The following ROBO1 variants were observed in gnomAD, a reference collection of about 807,000 sequenced individuals.
The protein encoded by ROBO1 is roundabout homolog 1.
In ROBO1, 149 loss-of-function variants were observed where a neutral mutation model predicts 195.9. That is an observed-to-expected ratio of 0.76 (90% confidence interval 0.67 to 0.87). The LOEUF is 0.87. ROBO1 is among the 40% of genes least tolerant of loss of function. The pLI, the probability that ROBO1 is intolerant of heterozygous loss-of-function variation, is 0.00. For synonymous variants in ROBO1, 816 were observed against 733.2 expected, an observed-to-expected ratio of 1.11 and a Z score of -1.82; for missense variants, 1,933 against 2,068.3, an observed-to-expected ratio of 0.93 and a Z score of 1.27.
At chr3:79,513,782 C>T (rs202232703) in intron 2 of ROBO1, among the ~76,000 whole-genome samples, 1 of 152,022 alleles carries the variant, frequency 6.6e-6, no homozygotes, top group East Asian at 1.9e-4. Flanking sequence ...TTCATTATAA[C>T]AGTGATTTTA....
chr3:79,365,216 T>G (rs911612990), intron 2 of ROBO1, among the ~76,000 whole-genome samples: 2 of 152,152 alleles, frequency 1.3e-5, no homozygotes, highest in African/African-American at 4.8e-5. Flanking sequence ...ACAGCCACCC[T>G]TCACCAGCAT....
At chr3:79,538,533 C>T (rs1362623502) in intron 2 of ROBO1, among the ~76,000 whole-genome samples, 1 of 152,092 alleles carries the variant, frequency 6.6e-6, no homozygotes, top group Non-Finnish European at 1.5e-5. Flanking sequence ...TCACTTGCCT[C>T]TCAGCTACTC....
chr3:79,081,769 T>C (rs1489662788), intron 3 of ROBO1, among the ~76,000 whole-genome samples: 2 of 152,206 alleles, frequency 1.3e-5, no homozygotes, highest in South Asian at 2.1e-4. Flanking sequence ...GCTCATTTCG[T>C]AGAATCTAGC....
At chr3:79,754,362 C>T (rs1483257662) in intron 1 of ROBO1, among the ~76,000 whole-genome samples, 6 of 152,204 alleles carry the variant, frequency 3.9e-5, no homozygotes, top group Non-Finnish European at 2.9e-5. Context: ...GTATTCACTT[C>T]AGTGCCTACA....
chr3:79,302,881 C>T (rs916465887), intron 2 of ROBO1, among the ~76,000 whole-genome samples: 2 of 151,910 alleles, frequency 1.3e-5, no homozygotes, highest in African/African-American at 4.8e-5. Context: ...TTGAAATTCT[C>T]CTTTTACATT....
chr3:78,689,649 C>G (rs1049221374), intron 8 of ROBO1, among the ~76,000 whole-genome samples: 3 of 152,000 alleles, frequency 2.0e-5, no homozygotes, highest in African/African-American at 7.2e-5. Flanking sequence ...TCTGAAACAC[C>G]TAATTATTCT....
intron 3 of ROBO1, among the ~76,000 whole-genome samples, chr3:79,029,992 T>C (rs2078265300): frequency 6.6e-6 from 1 of 152,238 alleles, no homozygotes; most frequent in Non-Finnish European, 1.5e-5. Context: ...CATTGTTTTG[T>C]GTTGGCAATT....
intron 4 of ROBO1, among the ~76,000 whole-genome samples, chr3:78,756,524 A>G (rs2082936263): frequency 6.6e-6 from 1 of 152,200 alleles, no homozygotes; most frequent in South Asian, 2.1e-4. Flanking sequence ...GATTCACTTA[A>G]TCATTCATTC....
At chr3:78,792,833 C>T (rs1043627770) in intron 4 of ROBO1, among the ~76,000 whole-genome samples, 2 of 152,080 alleles carry the variant, frequency 1.3e-5, no homozygotes, top group Non-Finnish European at 2.9e-5. Context: ...GACACAGTGG[C>T]TCATGCCTGT....
intron 2 of ROBO1, among the ~76,000 whole-genome samples, chr3:79,472,564 A>C (rs1391790878): frequency 6.6e-6 from 1 of 152,154 alleles, no homozygotes; most frequent in Non-Finnish European, 1.5e-5. Flanking sequence ...GCACATTTCA[A>C]ACTTTAGGAA....
chr3:79,257,849 CA>C (rs941073680), intron 2 of ROBO1, among the ~76,000 whole-genome samples: 1 of 151,958 alleles, frequency 6.6e-6, no homozygotes, highest in Non-Finnish European at 1.5e-5. Flanking sequence ...TCTCCTAAAC[CA>C]AAAATGATGA....
At chr3:78,789,745 T>G (rs1043891885) in intron 4 of ROBO1, among the ~76,000 whole-genome samples, 21 of 152,320 alleles carry the variant, frequency 1.4e-4, no homozygotes, top group African/African-American at 4.8e-4. Flanking sequence ...TAACATTTTC[T>G]TCTTGATCTC....
intron 1 of ROBO1, among the ~76,000 whole-genome samples, chr3:79,609,534 GA>G (rs1381426130): frequency 1.3e-5 from 2 of 151,934 alleles, no homozygotes; most frequent in South Asian, 2.1e-4. Context: ...AGTAGGTACT[GA>G]AAAAATATTT....
At chr3:79,575,567 A>AATATATATAACAAATTTTATAT (rs1943458984) in intron 2 of ROBO1, among the ~76,000 whole-genome samples, 1 of 140,476 alleles carries the variant, frequency 7.1e-6, no homozygotes, top group African/African-American at 2.6e-5. Flanking sequence ...AATATATATA[A>AATATATATAACAAATTTTATAT]ATATATATAA....
chr3:78,637,769 G>T (rs559794801), intron 22 of ROBO1, among the ~76,000 whole-genome samples: 3 of 152,088 alleles, frequency 2.0e-5, no homozygotes, highest in African/African-American at 7.2e-5. Flanking sequence ...ACATGGATAC[G>T]TCACATCCAC....
intron 2 of ROBO1, among the ~76,000 whole-genome samples, chr3:79,381,186 G>C (rs533654164): frequency 6.6e-6 from 1 of 151,700 alleles, no homozygotes. Flanking sequence ...GCGAAACCCC[G>C]TCTCTACTAA....
At chr3:79,097,390 T>A (rs990658308) in intron 3 of ROBO1, among the ~76,000 whole-genome samples, 1 of 151,730 alleles carries the variant, frequency 6.6e-6, no homozygotes, top group African/African-American at 2.4e-5. Flanking sequence ...GAATGCTGGG[T>A]TTTTCAATGA....
intron 4 of ROBO1, among the ~76,000 whole-genome samples, chr3:78,846,686 T>C (rs1353253952): frequency 6.6e-6 from 1 of 152,188 alleles, no homozygotes; most frequent in Non-Finnish European, 1.5e-5. Context: ...AATTGGTCTA[T>C]ATAGACATGT....
chr3:79,028,225 T>C (rs2078235903), intron 3 of ROBO1, among the ~76,000 whole-genome samples: 5 of 152,026 alleles, frequency 3.3e-5, no homozygotes, highest in Admixed American at 3.3e-4. Flanking sequence ...CCAATAATTC[T>C]CTCAAATATA....
Sources: gnomAD v4.1 joint callset for allele counts (sites outside exome capture counted in the v4.1 genomes callset) on GRCh38, gnomAD v4.1.1 for gene constraint, MANE v1.5 for transcripts, NCBI Gene and HGNC (gene_info 2026-07-23, HGNC 2026-07-21) for gene names.